GRID2: variants seen among roughly 807,000 people sequenced by gnomAD.
GRID2 encodes the protein glutamate ionotropic receptor delta type subunit 2.
In GRID2, 33 loss-of-function variants were observed where a neutral mutation model predicts 114.8. The observed-to-expected ratio is 0.29, with a 90% CI of 0.22 to 0.38. The LOEUF (loss-of-function observed/expected upper bound fraction) is 0.38, where lower values mean the gene tolerates loss of function less well. GRID2 is among the 10% of genes least tolerant of loss of function. The pLI, the probability that GRID2 is intolerant of heterozygous loss-of-function variation, is 1.00. For synonymous variants in GRID2, 505 were observed against 449.9 expected, an observed-to-expected ratio of 1.12 and a Z score of -1.55; for missense variants, 1,184 against 1,257.7, an observed-to-expected ratio of 0.94 and a Z score of 0.89.
At chr4:93,745,966 T>C (rs924324128) in intron 14 of GRID2, among the ~76,000 whole-genome samples, 1 of 152,106 alleles carries the variant, frequency 6.6e-6, no homozygotes, top group Admixed American at 6.6e-5. Context: ...AGGGGCTTGA[T>C]TGTCTGATTC....
intron 2 of GRID2, among the ~76,000 whole-genome samples, chr4:92,792,456 AAC>A (rs35204445): frequency 0.24 from 33,238 of 135,800 alleles, 3,953 homozygotes; most frequent in East Asian, 0.38. Flanking sequence ...CAGGCAAGAG[AAC>A]ACACACACAC....
intron 2 of GRID2, among the ~76,000 whole-genome samples, chr4:92,915,481 T>C (rs552592581): frequency 5.3e-5 from 8 of 152,112 alleles, no homozygotes; most frequent in Non-Finnish European, 1.0e-4. Context: ...AGCTTTACAA[T>C]ATGAATTTTA....
At chr4:93,282,002 C>A in intron 8 of GRID2, among the ~76,000 whole-genome samples, 1 of 151,950 alleles carries the variant, frequency 6.6e-6, no homozygotes, top group East Asian at 1.9e-4. Context: ...AATAATAGAA[C>A]AAAATATATT....
intron 6 of GRID2, among the ~76,000 whole-genome samples, chr4:93,221,786 G>A (rs1421288713): frequency 6.6e-6 from 1 of 152,112 alleles, no homozygotes; most frequent in African/African-American, 2.4e-5. Flanking sequence ...AAAGCTCAGG[G>A]AATATTACCA....
intron 1 of GRID2, among the ~76,000 whole-genome samples, chr4:92,551,385 A>G (rs1449489491): frequency 6.6e-6 from 1 of 152,126 alleles, no homozygotes; most frequent in Non-Finnish European, 1.5e-5. Flanking sequence ...TGTATAAAAC[A>G]TTGTCACACA....
chr4:92,409,316 A>C (rs2110297047), intron 1 of GRID2, among the ~76,000 whole-genome samples: 1 of 152,222 alleles, frequency 6.6e-6, no homozygotes, highest in African/African-American at 2.4e-5. Context: ...TTACCATTTT[A>C]GGTCCATTAA....
chr4:93,558,098 G>A (rs967496933), intron 13 of GRID2, among the ~76,000 whole-genome samples: 2 of 152,076 alleles, frequency 1.3e-5, no homozygotes, highest in African/African-American at 4.8e-5. Flanking sequence ...GTGTTTAGAG[G>A]GAAATTTATA....
intron 4 of GRID2, among the ~76,000 whole-genome samples, chr4:93,141,387 A>C (rs538274552): frequency 8.3e-4 from 126 of 152,296 alleles, no homozygotes; most frequent in South Asian, 3.9e-3. Flanking sequence ...GATAAAGTGG[A>C]TCCTAGATCC....
rs920201887 is a variant in GRID2 at position 92,640,576 on chromosome 4, A to G, written c.244+50290A>G. 2.6e-5 allele frequency among the ~76,000 whole-genome samples: 4 copies of G among 152,038 alleles called. No homozygotes were observed. The East Asian group carries it at 7.8e-4, about 30-fold the overall frequency. On this transcript the variant is annotated intron_variant, in intron 2 of 15. Transcript: ENST00000282020. ...CTCTGCTTAGATTACAGAATGGAAGAAAATAAATTCTGATAACTAGGTAAT... is the reference window on the plus strand; with the variant it reads ...CTCTGCTTAGATTACAGAATGGAAGGAAATAAATTCTGATAACTAGGTAAT...
chr4:92,578,922 CA>C (rs766932182), intron 1 of GRID2, among the ~76,000 whole-genome samples: 2 of 151,948 alleles, frequency 1.3e-5, no homozygotes, highest in Non-Finnish European at 2.9e-5. Flanking sequence ...ATCTATTTAC[CA>C]AAAAACCAGA....
intron 2 of GRID2, among the ~76,000 whole-genome samples, chr4:92,652,881 A>AATATATTTATAAATAAATATAAAT (rs1732020583): frequency 8.2e-6 from 1 of 121,350 alleles, no homozygotes; most frequent in African/African-American, 3.1e-5. Flanking sequence ...AATATATAAA[A>AATATATTTATAAATAAATATAAAT]ATATATTTAT....
rs573883997 is a variant in GRID2, at chr4:93,558,039, A to T, written c.2193+42628A>T. On this transcript the variant is annotated intron_variant, in intron 13 of 15. Coordinates refer to ENST00000282020, the MANE Select transcript of GRID2 (RefSeq NM_001510.4). Reference sequence around the variant, plus strand: ...GAGATAAATAAGTTCTTTGACATCAATAAGAAAAATTCATAATGTACCAGA... The same window carrying T: ...GAGATAAATAAGTTCTTTGACATCATTAAGAAAAATTCATAATGTACCAGA... 1.5e-3 allele frequency among the ~76,000 whole-genome samples: 236 copies of T among 152,292 alleles called. 1 individual carries two copies. The highest frequency in any genetic ancestry group is 2.9e-3 in the Non-Finnish European group (197 of 68,012).
intron 1 of GRID2, among the ~76,000 whole-genome samples, chr4:92,392,623 A>G (rs1278614924): frequency 2.6e-5 from 4 of 152,008 alleles, no homozygotes; most frequent in African/African-American, 9.7e-5. Context: ...TTCAGTATGT[A>G]CCCCCTGTAA....
At chr4:93,223,676 A>AT (rs998326236) in intron 6 of GRID2, among the ~76,000 whole-genome samples, 3 of 152,112 alleles carry the variant, frequency 2.0e-5, no homozygotes, top group Non-Finnish European at 2.9e-5. Flanking sequence ...TTGATTCCTC[A>AT]TTTTTTTTAT....
chr4:93,311,714 A>G (rs1319207894), intron 8 of GRID2, among the ~76,000 whole-genome samples: 2 of 152,292 alleles, frequency 1.3e-5, no homozygotes, highest in South Asian at 4.1e-4. Flanking sequence ...TTAGAAATGT[A>G]TGAGGATGAA....
chr4:93,274,075 T>C (rs1333193756), intron 8 of GRID2, among the ~76,000 whole-genome samples: 1 of 152,134 alleles, frequency 6.6e-6, no homozygotes, highest in Non-Finnish European at 1.5e-5. Flanking sequence ...TTAAACTTCA[T>C]ATATTTTTGT....
At chr4:92,577,275 T>G (rs1391057084) in intron 1 of GRID2, among the ~76,000 whole-genome samples, 1 of 152,154 alleles carries the variant, frequency 6.6e-6, no homozygotes, top group Non-Finnish European at 1.5e-5. Flanking sequence ...AGATTTCTCA[T>G]ATAGAGTATA....
At chr4:93,180,211 T>C (rs1480160555) in intron 4 of GRID2, among the ~76,000 whole-genome samples, 5 of 152,022 alleles carry the variant, frequency 3.3e-5, no homozygotes, top group African/African-American at 1.2e-4. Flanking sequence ...CATCACACGA[T>C]GTCTCCAAAC....
chr4:92,429,748 A>G (rs906344988), intron 1 of GRID2, among the ~76,000 whole-genome samples: 1 of 152,072 alleles, frequency 6.6e-6, no homozygotes, highest in Non-Finnish European at 1.5e-5. Context: ...TGTTCTCCAC[A>G]CCCTCGCCAG....
Sources: gnomAD v4.1 joint callset for allele counts (sites outside exome capture counted in the v4.1 genomes callset) on GRCh38, gnomAD v4.1.1 for gene constraint, MANE v1.5 for transcripts, NCBI Gene and HGNC (gene_info 2026-07-23, HGNC 2026-07-21) for gene names.